The following CELF2 variants were observed in gnomAD, a reference collection of about 807,000 sequenced individuals.
CELF2 encodes CUG triplet repeat RNA-binding protein 2.
Under a neutral mutation model 62.6 loss-of-function variants are expected in CELF2, and 8 were observed. The observed-to-expected ratio is 0.13, with a 90% CI of 0.07 to 0.23. The LOEUF (loss-of-function observed/expected upper bound fraction) is 0.23, where lower values mean the gene tolerates loss of function less well. CELF2 is among the 10% of genes least tolerant of loss of function. The probability of loss-of-function intolerance (pLI) is 1.00; values close to 1 mark genes in which losing one functional copy is unlikely to be tolerated. For synonymous variants in CELF2, 258 were observed against 250.0 expected (o/e 1.03, Z -0.30); for missense variants, 333 against 671.0 (o/e 0.50, Z 5.56).
chr10:11,277,425 C>T (rs1020946206), intron 8 of CELF2, among the ~76,000 whole-genome samples: 53 of 152,342 alleles, frequency 3.5e-4, no homozygotes, highest in African/African-American at 1.0e-3. Flanking sequence ...CCTCTGCCCT[C>T]ACCTCCCTGG....
rs556205146 is a variant in CELF2, at chr10:11,082,730, G to A, written c.74+64567G>A. ...TGAAAACCACATTCTTTGAGCTCTT[G>A]GCATGAAGTCCATGCTGTCTGTGAG... On this transcript the variant is annotated intron_variant, in intron 1 of 12. Transcript: ENST00000633077. Among the ~76,000 whole-genome samples the A allele has an allele frequency of 1.9e-3, 288 of 152,276 alleles. 1 individual carries two copies. Among genetic ancestry groups the A allele is most frequent in the African/African-American group, 6.6e-3 (276 of 41,544 alleles).
chr10:10,732,583 G>A, the CELF2 span, among the ~76,000 whole-genome samples: 3 of 148,266 alleles, frequency 2.0e-5, no homozygotes, highest in Middle Eastern at 3.5e-3. Context: ...GAGTGCAGTG[G>A]TACATTCTTG....
the CELF2 span, among the ~76,000 whole-genome samples, chr10:10,738,538 G>A: frequency 1.8e-3 from 269 of 152,112 alleles, 1 homozygote; most frequent in East Asian, 0.019. Context: ...CTGTCCCTCC[G>A]CAAGCCTCAC....
chr10:10,570,238 G>A, the CELF2 span, among the ~76,000 whole-genome samples: 1 of 152,282 alleles, frequency 6.6e-6, no homozygotes, highest in Non-Finnish European at 1.5e-5. Flanking sequence ...TCAATGGCCT[G>A]AAGAGCCCTG....
rs528644429 is a variant in CELF2 at position 11,094,405 on chromosome 10, T to G, written c.75-71081T>G. Among the ~76,000 whole-genome samples, 3 of 151,914 alleles carry G rather than the reference T, an allele frequency of 2.0e-5. No individual in the cohort carries two copies. In the South Asian group the frequency reaches 6.3e-4, roughly 32 times the overall value. The stretch of plus-strand genomic sequence containing the variant: ...CACTTGTGGGCAAAGAGCTGCATTG[T>G]TTTTTTTGAAACTACCTTGTCTGTC... On this transcript the variant is annotated intron_variant, in intron 1 of 12. Coordinates refer to ENST00000633077, the MANE Select transcript of CELF2 (RefSeq NM_001326342.2).
chr10:11,085,453 A>G (rs963666511), intron 1 of CELF2, among the ~76,000 whole-genome samples: 3 of 152,234 alleles, frequency 2.0e-5, no homozygotes, highest in South Asian at 2.1e-4. Context: ...TGTCAAATAC[A>G]TTTTGATTGG....
At chr10:11,158,389 T>C (rs555836953) in intron 1 of CELF2, among the ~76,000 whole-genome samples, 7 of 152,290 alleles carry the variant, frequency 4.6e-5, no homozygotes, top group African/African-American at 1.7e-4. Context: ...TAAATCTTCC[T>C]TGTGGTGATT....
chr10:11,303,960 G>A lies in CELF2; in HGVS notation c.977-10179G>A, dbSNP rs187956870. 1.6e-3 allele frequency among the ~76,000 whole-genome samples: 250 copies of A among 152,336 alleles called. 4 individuals are homozygous for A. The highest frequency in any genetic ancestry group is 5.7e-3 in the African/African-American group (238 of 41,576). On this transcript the variant is annotated intron_variant, in intron 9 of 12. Coordinates refer to ENST00000633077, the MANE Select transcript of CELF2 (RefSeq NM_001326342.2). ...ACGTGCTTTTGGCAATGAGCAGCACGTGGCAAGCACTCACACCTTAGCTGT... is the reference window on the plus strand; with the variant it reads ...ACGTGCTTTTGGCAATGAGCAGCACATGGCAAGCACTCACACCTTAGCTGT...
rs1254061788 is a variant in CELF2 at position 10,972,305 on chromosome 10, A to G, written c.89+52306A>G. Among the ~76,000 whole-genome samples, 1 of 152,238 alleles carries G rather than the reference A, an allele frequency of 6.6e-6. No individual in the cohort carries two copies. Among genetic ancestry groups the G allele is most frequent in the South Asian group, 2.1e-4 (1 of 4,828 alleles). ...GTTAAATGATTTTAGGAAGCTCTACATATCATCATCCCCTGTAAAAATTCA... is the reference window on the plus strand; with the variant it reads ...GTTAAATGATTTTAGGAAGCTCTACGTATCATCATCCCCTGTAAAAATTCA... On this transcript the variant is annotated intron_variant, in intron 2 of 13. Transcript: ENST00000636488. This position sits in a 1 kb window ranked among gnomAD's most constrained non-coding sequence, Gnocchi z 4.4.
chr10:11,071,917 A>G (rs534668052), intron 1 of CELF2, among the ~76,000 whole-genome samples: 2 of 152,334 alleles, frequency 1.3e-5, no homozygotes, highest in Non-Finnish European at 2.9e-5. Flanking sequence ...ACATGTATAG[A>G]AGGAAAACTG....
At chr10:11,003,870 G>C (rs1293556676), upstream of CELF2, among the ~76,000 whole-genome samples, 2 of 152,142 alleles carry the variant, frequency 1.3e-5, no homozygotes, top group African/African-American at 4.8e-5. The surrounding 1 kb of genome is among the most constrained non-coding windows in gnomAD (Gnocchi z 4.4). Context: ...TTGTTTTAGG[G>C]ACAAGGCTCT....
chr10:11,127,623 T>A (rs1277087251), intron 1 of CELF2, among the ~76,000 whole-genome samples: 1 of 152,242 alleles, frequency 6.6e-6, no homozygotes, highest in Admixed American at 6.5e-5. Context: ...GTGGTTTTGA[T>A]TTGCATTTCT....
chr10:10,553,891 G>C, the CELF2 span, among the ~76,000 whole-genome samples: 1 of 152,150 alleles, frequency 6.6e-6, no homozygotes, highest in Admixed American at 6.6e-5. Flanking sequence ...GCCCTAGGAG[G>C]AGCTGTGGTC....
chr10:10,669,485 G>C, the CELF2 span, among the ~76,000 whole-genome samples: 4 of 152,178 alleles, frequency 2.6e-5, no homozygotes, highest in Non-Finnish European at 5.9e-5. Flanking sequence ...TGCATTGTCA[G>C]AAGCTAACTG....
chr10:11,205,020 G>A (rs2060116865), intron 2 of CELF2, among the ~76,000 whole-genome samples: 1 of 152,114 alleles, frequency 6.6e-6, no homozygotes, highest in East Asian at 1.9e-4. Flanking sequence ...GCATACAGTT[G>A]GGGAAAATTT....
chr10:10,804,015 C>G (rs959324557), intron 1 of CELF2, among the ~76,000 whole-genome samples: 1 of 152,200 alleles, frequency 6.6e-6, no homozygotes, highest in African/African-American at 2.4e-5. Flanking sequence ...TTGAGTAATT[C>G]TATCTTCAGT....
the CELF2 span, among the ~76,000 whole-genome samples, chr10:10,464,180 A>G: frequency 4.6e-5 from 7 of 152,274 alleles, no homozygotes; most frequent in African/African-American, 1.7e-4. Context: ...TTAGAACATT[A>G]CAAAGTGTCA....
intron 2 of CELF2, among the ~76,000 whole-genome samples, chr10:11,209,916 C>G (rs1365172755): frequency 1.3e-5 from 2 of 152,170 alleles, no homozygotes; most frequent in Non-Finnish European, 1.5e-5. Context: ...ACTGACTTGA[C>G]AAGAAGCCAA....
At chr10:10,479,128 C>T in the CELF2 span, among the ~76,000 whole-genome samples, 1 of 152,102 alleles carries the variant, frequency 6.6e-6, no homozygotes, top group African/African-American at 2.4e-5. Flanking sequence ...TTCTCTTTCT[C>T]CATCTTCTCA....
Sources: gnomAD v4.1 joint callset for allele counts (sites outside exome capture counted in the v4.1 genomes callset) on GRCh38, gnomAD v4.1.1 for gene constraint, Gnocchi (gnomAD v3.1) non-coding constraint, MANE v1.5 for transcripts, NCBI Gene and HGNC (gene_info 2026-07-23, HGNC 2026-07-21) for gene names.